Variants in IL3RA observed in about 807,000 individuals in gnomAD.
IL3RA encodes interleukin 3 receptor subunit alpha, also known as interleukin-3 receptor subunit alpha.
In IL3RA, 73 loss-of-function variants were observed where a neutral mutation model predicts 52.3. That is an observed-to-expected ratio of 1.40 (90% CI 1.16 to 1.70). The LOEUF is 1.70. IL3RA is among the 40% of genes most tolerant of loss of function. The pLI, the probability that IL3RA is intolerant of heterozygous loss-of-function variation, is 0.00. For missense variants in IL3RA, 664 were observed against 504.4 expected, an observed-to-expected ratio of 1.32 and a Z score of -3.03; for synonymous variants, 260 against 194.0, an observed-to-expected ratio of 1.34 and a Z score of -2.83.
intron 2 of IL3RA, among the ~76,000 whole-genome samples, chrX:1,343,984 C>T (rs746648853): frequency 2.2e-4 from 34 of 151,848 alleles, no homozygotes; most frequent in African/African-American, 7.0e-4. Context: ...TTAGTCGCGA[C>T]GGGGTTTCAC....
chrX:1,351,206 AAATG>A (rs1396127032), intron 4 of IL3RA, among the ~76,000 whole-genome samples: 1 of 152,160 alleles, frequency 6.6e-6, no homozygotes, highest in Non-Finnish European at 1.5e-5. Context: ...GACTCTGTAA[AAATG>A]AATAAATAAA....
Position 1,381,103 on chromosome X carries a change from T to C in IL3RA, c.1061T>C (p.Leu354Pro), listed in dbSNP as rs1802226489. The change falls in exon 11 of 12, where the codon CTG becomes CCG. Residue 354 changes from leucine to proline, a missense_variant and splice_region_variant. By Grantham distance (98) the Leu-to-Pro change is moderately conservative. Transcript: ENST00000331035. ...GGTGACAGCTTCCAAAACGACAAGCTGGTATGTTGTTTTTTCTGCCTTGGG... is the reference window on the plus strand; with the variant it reads ...GGTGACAGCTTCCAAAACGACAAGCCGGTATGTTGTTTTTTCTGCCTTGGG... Reference protein sequence around the residue: ...PIGDSFQNDKLVVWEAGKAGL... With the variant: ...PIGDSFQNDKPVVWEAGKAGL... The C allele has an allele frequency of 6.2e-7, 1 of 1,613,780 alleles. No individual in the cohort carries two copies. Among genetic ancestry groups the C allele is most frequent in the Non-Finnish European group, 8.5e-7 (1 of 1,179,750 alleles).
intron 10 of IL3RA, among the ~76,000 whole-genome samples, 163 bp downstream of exon 10, chrX:1,378,927 CT>C (rs1245828948): frequency 6.6e-6 from 1 of 152,204 alleles, no homozygotes; most frequent in Non-Finnish European, 1.5e-5. Context: ...ACTGCAGCCT[CT>C]GCCTCCTGGG....
At chrX:1,362,641 G>A (rs1355376172) in intron 8 of IL3RA, among the ~76,000 whole-genome samples, 3 of 152,078 alleles carry the variant, frequency 2.0e-5, no homozygotes, top group East Asian at 3.9e-4. Context: ...CCATTTTCAT[G>A]GACTAATGAG....
At chrX:1,342,282 C>T (rs2085522625) in intron 2 of IL3RA, among the ~76,000 whole-genome samples, 1 of 151,802 alleles carries the variant, frequency 6.6e-6, no homozygotes. Context: ...TCTTCTGCCT[C>T]AGCCTCCCGA....
chrX:1,352,218 C>T lies in IL3RA; in HGVS notation c.417C>T (p.Tyr139=). ...GAPADVQYDL[Y]LNVANRRQQY... ...CCGCGGACGTCCAGTACGACCTGTACTTGAACGTTGCCAAGTAGGTGTGCC... is the reference window on the plus strand; with the variant it reads ...CCGCGGACGTCCAGTACGACCTGTATTTGAACGTTGCCAAGTAGGTGTGCC... The change falls in exon 5 of 12, where the codon TAC becomes TAT. Residue 139 remains tyrosine (Y), a synonymous_variant. Transcript: ENST00000331035. The T allele has an allele frequency of 1.2e-6, 2 of 1,613,682 alleles. No homozygotes were observed. Among genetic ancestry groups the T allele is most frequent in the Non-Finnish European group, 1.7e-6 (2 of 1,179,754 alleles).
intron 9 of IL3RA, among the ~76,000 whole-genome samples, chrX:1,378,240 A>G (rs6645279): frequency 0.3 from 45,961 of 151,206 alleles, 8,682 homozygotes; most frequent in African/African-American, 0.55. Context: ...CACAAATTCC[A>G]TGATAAACAC....
intron 3 of IL3RA, among the ~76,000 whole-genome samples, chrX:1,345,939 C>G (rs2085723144): frequency 6.6e-6 from 1 of 152,026 alleles, no homozygotes; most frequent in African/African-American, 2.4e-5. Context: ...GTCTGGTTCC[C>G]CGTCCGCGGG....
At chrX:1,339,808 A>G (rs1223206036) in intron 1 of IL3RA, among the ~76,000 whole-genome samples, 1 of 151,878 alleles carries the variant, frequency 6.6e-6, no homozygotes, top group African/African-American at 2.4e-5. Context: ...AAACAAAACA[A>G]AACAAAACAA....
chrX:1,352,198 G>A lies in IL3RA; in HGVS notation c.397G>A (p.Asp133Asn). ...GGCGGTAGGCCCGGGGGCCCCCGCG[G>A]ACGTCCAGTACGACCTGTACTTGAA... The part of the protein sequence containing the change: ...SWAVGPGAPA[D>N]VQYDLYLNVA... Residue 133 changes from aspartate to asparagine, a missense_variant, in exon 5 of 12, where the codon GAC becomes AAC. Coordinates refer to ENST00000331035, the MANE Select transcript of IL3RA (RefSeq NM_002183.4). 3 of 1,613,776 alleles carry A rather than the reference G, an allele frequency of 1.9e-6. No homozygotes were observed. The highest frequency in any genetic ancestry group is 1.1e-5 in the South Asian group (1 of 91,080).
At chrX:1,368,230 T>A (rs1259840968) in intron 9 of IL3RA, among the ~76,000 whole-genome samples, 1 of 151,400 alleles carries the variant, frequency 6.6e-6, no homozygotes, top group Non-Finnish European at 1.5e-5. Context: ...CTGTGCTCCA[T>A]CCAGCCTGGG....
Position 1,356,304 on chromosome X carries a change from C to CGCAAATTTCGCTATGA in IL3RA, c.703_718dup (p.Leu240GlnfsTer5). ...CTGGAAAATGAGAAGTCATTTCAAT[C>CGCAAATTTCGCTATGA]GCAAATTTCGCTATGAGCTTCAGAT... is the stretch of plus-strand genomic sequence containing the variant. On this transcript the variant is annotated frameshift_variant, in exon 7 of 12. Coordinates refer to ENST00000331035, the MANE Select transcript of IL3RA (RefSeq NM_002183.4). LOFTEE classifies it high-confidence loss of function. 8 of 1,613,130 alleles carry CGCAAATTTCGCTATGA rather than the reference C, an allele frequency of 5.0e-6. No homozygotes were observed. Among genetic ancestry groups the CGCAAATTTCGCTATGA allele is most frequent in the Non-Finnish European group, 6.8e-6 (8 of 1,179,306 alleles).
chrX:1,344,904 T>G (rs1279714873), intron 2 of IL3RA, among the ~76,000 whole-genome samples: 4 of 149,968 alleles, frequency 2.7e-5, no homozygotes, highest in Non-Finnish European at 5.9e-5. Flanking sequence ...GGCTCATGCC[T>G]GTAATCCCAG....
rs559457466 is a variant in IL3RA at position 1,345,352 on chromosome X, C to T, written c.101C>T (p.Ala34Val). The T allele has an allele frequency of 8.1e-6, 13 of 1,611,424 alleles. No homozygotes were observed. The African/African-American group carries it at 1.1e-4, about 13-fold the overall frequency. The change falls in exon 3 of 12, where the codon GCA becomes GTA. Residue 34 changes from alanine to valine, a missense_variant. By Grantham distance (64) the Ala-to-Val change is moderately conservative. Coordinates refer to ENST00000331035, the MANE Select transcript of IL3RA (RefSeq NM_002183.4). ...CCAATCACGAACCTAAGGATGAAAGCAAAGGCTCAGCAGTTGACCTGGGAC... is the reference window on the plus strand; with the variant it reads ...CCAATCACGAACCTAAGGATGAAAGTAAAGGCTCAGCAGTTGACCTGGGAC... ...NPPITNLRMK[A>V]KAQQLTWDLN...
chrX:1,356,585 C>T (rs765864652), intron 7 of IL3RA, among the ~76,000 whole-genome samples: 77 of 152,064 alleles, frequency 5.1e-4, no homozygotes, highest in Middle Eastern at 3.4e-3. Flanking sequence ...CTGGCTAACG[C>T]GGTGAAACCC....
rs756735327 is a variant in IL3RA at position 1,341,809 on chromosome X, G to A, written c.44G>A (p.Cys15Tyr). Reference sequence around the variant, plus strand: ...ACGCTGCTCCTGATCGCCCTGCCCTGTCTCCTGCAAACGAAGGAAGGTAAG... The same window carrying A: ...ACGCTGCTCCTGATCGCCCTGCCCTATCTCCTGCAAACGAAGGAAGGTAAG... ...WLTLLLIALP[C>Y]LLQTKEDPNP... Residue 15 changes from cysteine to tyrosine, a missense_variant, in exon 2 of 12, where the codon TGT (cysteine) becomes TAT (tyrosine). Coordinates refer to ENST00000331035, the MANE Select transcript of IL3RA (RefSeq NM_002183.4). 13 of 1,613,790 alleles carry A rather than the reference G, an allele frequency of 8.1e-6. No homozygotes were observed. Among genetic ancestry groups the A allele is most frequent in the South Asian group, 4.4e-5 (4 of 91,080 alleles).
intron 2 of IL3RA, among the ~76,000 whole-genome samples, chrX:1,342,310 C>T (rs184739827): frequency 2.6e-5 from 4 of 151,648 alleles, no homozygotes; most frequent in East Asian, 2.0e-4. Context: ...AGATTACAGT[C>T]GCGCACCACC....
chrX:1,341,396 G>C (rs1346955741), intron 1 of IL3RA, among the ~76,000 whole-genome samples: 4 of 149,928 alleles, frequency 2.7e-5, no homozygotes, highest in African/African-American at 9.8e-5. Flanking sequence ...CACACACACA[G>C]ACACATGTAC....
chrX:1,377,294 G>T (rs1446898650), intron 9 of IL3RA, among the ~76,000 whole-genome samples: 1 of 152,012 alleles, frequency 6.6e-6, no homozygotes, highest in Non-Finnish European at 1.5e-5. Flanking sequence ...AGGCTGGAGT[G>T]CAGTGGCGTG....
Sources: allele counts gnomAD v4.1 joint callset (sites outside exome capture counted in the v4.1 genomes callset), GRCh38; gene constraint gnomAD v4.1.1; transcripts MANE v1.5; gene names NCBI Gene and HGNC (gene_info 2026-07-23, HGNC 2026-07-21).